Variants in CDYL2 observed in about 807,000 individuals in gnomAD.
CDYL2 encodes chromodomain Y-like protein 2.
CDYL2 carries 23 observed loss-of-function variants against 49.4 expected under a neutral mutation model. That is an observed-to-expected ratio of 0.47 (90% CI 0.34 to 0.66). CDYL2 has a LOEUF of 0.66. Among genes scored for constraint, CDYL2 ranks in the 30% least tolerant of loss-of-function variants. The pLI, the probability that CDYL2 is intolerant of heterozygous loss-of-function variation, is 0.01. For missense variants in CDYL2, 678 were observed against 656.4 expected (o/e 1.03, Z -0.36); for synonymous variants, 360 against 268.8 (o/e 1.34, Z -3.32).
At position 80,702,949 on chromosome 16, in the gene CDYL2, T is replaced by C. The variant is rs1904310717; in HGVS notation, c.25-17820A>G. Among the ~76,000 whole-genome samples, 6 of 152,210 alleles carry C rather than the reference T, an allele frequency of 3.9e-5. 1 individual carries two copies. Among genetic ancestry groups the C allele is most frequent in the Admixed American group, 2.0e-4 (3 of 15,284 alleles). On this transcript the variant is annotated intron_variant, in intron 1 of 6. Transcript: ENST00000570137. ...AAGCCTAAGAAATAATCAGTTGTTATTGCTTTAAGCCACTAAGTCCATAAC... is the reference window on the plus strand; with the variant it reads ...AAGCCTAAGAAATAATCAGTTGTTACTGCTTTAAGCCACTAAGTCCATAAC...
intron 2 of CDYL2, among the ~76,000 whole-genome samples, chr16:80,658,521 G>T (rs926389409): frequency 6.6e-6 from 1 of 152,118 alleles, no homozygotes; most frequent in Non-Finnish European, 1.5e-5. Context: ...AGTAGTTCAG[G>T]ATTGAGAAAA....
At chr16:80,666,072 A>G (rs1909250324) in intron 2 of CDYL2, among the ~76,000 whole-genome samples, 1 of 152,174 alleles carries the variant, frequency 6.6e-6, no homozygotes, top group Non-Finnish European at 1.5e-5. Flanking sequence ...AAGACTCATG[A>G]GGCGCCAGGA....
intron 2 of CDYL2, among the ~76,000 whole-genome samples, chr16:80,664,056 C>T (rs1909158857): frequency 6.6e-6 from 1 of 151,914 alleles, no homozygotes; most frequent in Non-Finnish European, 1.5e-5. Context: ...TGGTATGTGG[C>T]AAAATATTCT....
At chr16:80,713,820 C>G (rs1904703065) in intron 1 of CDYL2, among the ~76,000 whole-genome samples, 1 of 152,234 alleles carries the variant, frequency 6.6e-6, no homozygotes, top group African/African-American at 2.4e-5. Flanking sequence ...ATTCTTGGAA[C>G]TCAGGAGCCA....
At chr16:80,658,409 G>A (rs1438446032) in intron 2 of CDYL2, among the ~76,000 whole-genome samples, 1 of 152,048 alleles carries the variant, frequency 6.6e-6, no homozygotes, top group East Asian at 1.9e-4. Context: ...AATAACTTTT[G>A]GATATAATAT....
At chr16:80,753,395 A>G (rs9938005) in intron 1 of CDYL2, among the ~76,000 whole-genome samples, 58,457 of 151,642 alleles carry the variant, frequency 0.39, 13,905 homozygotes, top group African/African-American at 0.68. Flanking sequence ...GATCACCTGA[A>G]GTCGGGAGTT....
chr16:80,675,279 CT>C (rs1909696640), intron 2 of CDYL2, among the ~76,000 whole-genome samples: 1 of 152,348 alleles, frequency 6.6e-6, no homozygotes, highest in Admixed American at 6.5e-5. Context: ...CTAATTCCTT[CT>C]CTCAGTGCTG....
rs1224296793 is a variant in CDYL2 at position 80,598,534 on chromosome 16, A to G, written c.*5854T>C. On this transcript the variant is annotated 3_prime_UTR_variant, in exon 7 of 7. Transcript: ENST00000570137. ...CAATGAAGAACAAAAGGAGGCAGAC[A>G]TTTGGAAAGTGCAGGATCCTACTGT... is the stretch of plus-strand genomic sequence containing the variant. 6.6e-6 allele frequency: 1 copy of G among 152,192 alleles called. No homozygotes were observed. Among genetic ancestry groups the G allele is most frequent in the Non-Finnish European group, 1.5e-5 (1 of 68,020 alleles). 9.4% of individuals were successfully genotyped at this position (152,192 alleles called of 1,614,324 possible). A position where few individuals can be genotyped will look rare whatever the true frequency, so the allele number is the denominator to read the frequency against.
At chr16:80,692,411 C>G (rs546507917) in intron 1 of CDYL2, among the ~76,000 whole-genome samples, 1 of 152,042 alleles carries the variant, frequency 6.6e-6, no homozygotes, top group African/African-American at 2.4e-5. Flanking sequence ...CAGATGAGAA[C>G]GGGGGAAGAA....
At chr16:80,703,449 G>C (rs75254599) in intron 1 of CDYL2, among the ~76,000 whole-genome samples, 1 of 152,108 alleles carries the variant, frequency 6.6e-6, no homozygotes, top group Non-Finnish European at 1.5e-5. Flanking sequence ...ATTCAGGATT[G>C]GACTAGAGCT....
At chr16:80,726,788 C>T (rs1017621167) in intron 1 of CDYL2, among the ~76,000 whole-genome samples, 2 of 152,134 alleles carry the variant, frequency 1.3e-5, no homozygotes, top group Non-Finnish European at 2.9e-5. Flanking sequence ...ACAACAATCA[C>T]AAAACAAACA....
At chr16:80,790,483 C>T (rs1907574549) in intron 1 of CDYL2, among the ~76,000 whole-genome samples, 1 of 152,192 alleles carries the variant, frequency 6.6e-6, no homozygotes, top group African/African-American at 2.4e-5. Context: ...GGCTCCCTTC[C>T]TCTTTCTATT....
At chr16:80,608,737 T>A (rs550260014) in intron 5 of CDYL2, among the ~76,000 whole-genome samples, 11 of 151,990 alleles carry the variant, frequency 7.2e-5, no homozygotes, top group Non-Finnish European at 1.5e-4. Flanking sequence ...GGACCATCCA[T>A]GGCTGTGTCC....
intron 2 of CDYL2, among the ~76,000 whole-genome samples, chr16:80,666,765 G>C (rs992254237): frequency 6.6e-6 from 1 of 152,220 alleles, no homozygotes; most frequent in African/African-American, 2.4e-5. Context: ...GATGTCAGAA[G>C]GGTTTGCAGT....
At chr16:80,751,343 A>G (rs1267683590) in intron 1 of CDYL2, among the ~76,000 whole-genome samples, 1 of 152,232 alleles carries the variant, frequency 6.6e-6, no homozygotes, top group Non-Finnish European at 1.5e-5. Flanking sequence ...GAAGGACTTC[A>G]TGGAGGTAAC....
At chr16:80,652,531 G>C (rs949605964) in intron 2 of CDYL2, among the ~76,000 whole-genome samples, 21 of 152,158 alleles carry the variant, frequency 1.4e-4, no homozygotes, top group African/African-American at 4.8e-4. Context: ...CAACCTCAAA[G>C]CAATGGAGTA....
chr16:80,783,563 T>A (rs746772559), intron 1 of CDYL2, among the ~76,000 whole-genome samples: 28 of 152,078 alleles, frequency 1.8e-4, no homozygotes, highest in Non-Finnish European at 3.8e-4. Context: ...AGATCCACAA[T>A]AATGGAAAAG....
intron 1 of CDYL2, among the ~76,000 whole-genome samples, chr16:80,737,955 G>A (rs1905596106): frequency 6.6e-6 from 1 of 152,236 alleles, no homozygotes; most frequent in East Asian, 1.9e-4. Context: ...TGCCATGGTG[G>A]TTTGCTGCAC....
intron 1 of CDYL2, among the ~76,000 whole-genome samples, chr16:80,755,665 C>A (rs8052236): frequency 0.14 from 20,566 of 152,180 alleles, 2,671 homozygotes; most frequent in African/African-American, 0.34. Context: ...ACAAAATGCT[C>A]ATCACAGAGT....
Sources: allele counts gnomAD v4.1 joint callset (sites outside exome capture counted in the v4.1 genomes callset), GRCh38; gene constraint gnomAD v4.1.1; transcripts MANE v1.5; gene names NCBI Gene and HGNC (gene_info 2026-07-23, HGNC 2026-07-21).